The following SPSB1 variants were observed in gnomAD, a reference collection of about 807,000 sequenced individuals.
SPSB1 encodes the protein splA/ryanodine receptor domain and SOCS box containing 1.
Under a neutral mutation model 21.2 loss-of-function variants are expected in SPSB1, and 8 were observed. The ratio of observed to expected loss-of-function variants is 0.38; its 90% CI spans 0.22 to 0.68. The LOEUF is 0.68. Among genes scored for constraint, SPSB1 ranks in the 30% least tolerant of loss-of-function variants. The probability of loss-of-function intolerance (pLI) is 0.53; values close to 1 mark genes in which losing one functional copy is unlikely to be tolerated. For synonymous variants in SPSB1, 169 were observed against 161.7 expected, an observed-to-expected ratio of 1.05 and a Z score of -0.34; for missense variants, 242 against 377.8, an observed-to-expected ratio of 0.64 and a Z score of 2.98.
chr1:9,312,627 G>A (rs1639542023), intron 1 of SPSB1, among the ~76,000 whole-genome samples: 4 of 152,148 alleles, frequency 2.6e-5, no homozygotes, highest in Admixed American at 2.6e-4. Flanking sequence ...ACAGTCAGGT[G>A]CCAGCACGGA....
At chr1:9,365,567 G>A (rs200210190) in intron 2 of SPSB1, among the ~76,000 whole-genome samples, 6 of 103,430 alleles carry the variant, frequency 5.8e-5, no homozygotes, top group African/African-American at 2.1e-4. Context: ...CTCTTGCGTG[G>A]TGAGATGTAG....
intron 2 of SPSB1, among the ~76,000 whole-genome samples, chr1:9,364,847 CGTT>C (rs918753192): frequency 4.6e-5 from 6 of 129,498 alleles, no homozygotes; most frequent in South Asian, 4.9e-4. Flanking sequence ...TTGTTGTTGT[CGTT>C]GTTGTTGTTG....
At chr1:9,311,097 C>T (rs1161600699) in intron 1 of SPSB1, among the ~76,000 whole-genome samples, 1 of 151,916 alleles carries the variant, frequency 6.6e-6, no homozygotes, top group African/African-American at 2.4e-5. Context: ...CCCAGGCTCC[C>T]TGAAAGCCAA....
At chr1:9,306,033 G>A (rs544277884) in intron 1 of SPSB1, among the ~76,000 whole-genome samples, 49 of 152,318 alleles carry the variant, frequency 3.2e-4, no homozygotes, top group African/African-American at 1.2e-3. Context: ...GAACGAAGGC[G>A]TGTTGGGGAC....
intron 1 of SPSB1, among the ~76,000 whole-genome samples, chr1:9,294,225 CGT>C (rs755409794): frequency 5.4e-5 from 8 of 147,584 alleles, no homozygotes; most frequent in South Asian, 2.2e-4. Flanking sequence ...TGTGTCTTTG[CGT>C]GTGTGTGTCT....
At chr1:9,352,515 AGACTGTCTG>A (rs1465998762) in intron 1 of SPSB1, among the ~76,000 whole-genome samples, 1 of 152,180 alleles carries the variant, frequency 6.6e-6, no homozygotes, top group Non-Finnish European at 1.5e-5. Context: ...ACAACAGCAG[AGACTGTCTG>A]GCCCTCAAAG....
chr1:9,341,973 A>G lies in SPSB1; in HGVS notation c.-149-13770A>G, dbSNP rs1401145169. ...CGCCTCAGGGTCCCAAAGTGCTGGG[A>G]TTACAGGCGTGAGCCACCACGCCCA... On this transcript the variant is annotated intron_variant, in intron 1 of 2. Coordinates refer to ENST00000328089, the MANE Select transcript of SPSB1 (RefSeq NM_025106.4). 2.6e-5 allele frequency among the ~76,000 whole-genome samples: 4 copies of G among 152,310 alleles called. 1 individual carries two copies. The highest frequency in any genetic ancestry group is 2.6e-4 in the Admixed American group (4 of 15,300).
At chr1:9,307,954 G>T (rs1639449491) in intron 1 of SPSB1, among the ~76,000 whole-genome samples, 1 of 152,152 alleles carries the variant, frequency 6.6e-6, no homozygotes, top group African/African-American at 2.4e-5. Context: ...GCCCCATGGG[G>T]ACCGACCCTG....
chr1:9,328,824 G>A (rs1426627362), intron 1 of SPSB1, among the ~76,000 whole-genome samples: 1 of 152,240 alleles, frequency 6.6e-6, no homozygotes, highest in African/African-American at 2.4e-5. Flanking sequence ...GGGAATTGTT[G>A]ATGTGAGGCT....
In SPSB1 at chr1:9,356,073, G is replaced by A; in HGVS notation, c.182G>A (p.Arg61Gln). The A allele has an allele frequency of 1.9e-6, 3 of 1,613,288 alleles. No individual in the cohort carries two copies. Among genetic ancestry groups the A allele is most frequent in the South Asian group, 1.1e-5 (1 of 91,018 alleles). The change falls in exon 2 of 3, where the codon CGA becomes CAA. Residue 61 changes from arginine (R) to glutamine (Q), a missense_variant. Physicochemically the swap from Arg to Gln is conservative, Grantham distance 43. Transcript: ENST00000328089. This position sits in a 1 kb window ranked among gnomAD's most constrained non-coding sequence, Gnocchi z 7.4. The stretch of plus-strand genomic sequence containing the variant: ...CTGCATTCATGGAACAACAACGACC[G>A]ATCGCTCAATGTCTTTGTGAAGGAG... ...QLLHSWNNND[R>Q]SLNVFVKEDD... is the part of the protein sequence containing the mutation.
chr1:9,337,687 G>A (rs1640026125), intron 1 of SPSB1, among the ~76,000 whole-genome samples: 1 of 152,158 alleles, frequency 6.6e-6, no homozygotes, highest in Non-Finnish European at 1.5e-5. Flanking sequence ...CTCCTGATGG[G>A]GACTCCCTGG....
chr1:9,298,273 T>C (rs1190321608), intron 1 of SPSB1, among the ~76,000 whole-genome samples: 4 of 152,220 alleles, frequency 2.6e-5, no homozygotes, highest in Non-Finnish European at 5.9e-5. Flanking sequence ...AAAAAAAGTC[T>C]AACTTGAATA....
chr1:9,341,296 A>G (rs1640087430), intron 1 of SPSB1, among the ~76,000 whole-genome samples: 1 of 152,168 alleles, frequency 6.6e-6, no homozygotes, highest in South Asian at 2.1e-4. Flanking sequence ...TCCCAAGGGC[A>G]TGAGGGAGGC....
At position 9,293,147 on chromosome 1, in the gene SPSB1, G is replaced by C. The variant is rs1639148129; in HGVS notation, c.-150+76G>C. On this transcript the variant is annotated intron_variant, in intron 1 of 2. Transcript: ENST00000328089. This position sits in a 1 kb window ranked among gnomAD's most constrained non-coding sequence, Gnocchi z 5.1. The stretch of plus-strand genomic sequence containing the variant: ...GAGGGGGAGGCGCGGGGGGCCGGGC[G>C]AGGGCGGACGCGGGGATCGCGCCGC... 1.7e-5 allele frequency: 17 copies of C among 971,620 alleles called. No homozygotes were observed. In the South Asian group the frequency reaches 7.4e-4, roughly 42 times the overall value. The allele number at this position is 971,620 out of a possible 1,614,324, so 60.2% of individuals were successfully genotyped here. A position where few individuals can be genotyped will look rare whatever the true frequency, so the allele number is the denominator to read the frequency against.
intron 1 of SPSB1, among the ~76,000 whole-genome samples, chr1:9,349,628 C>T (rs1640218761): frequency 6.6e-6 from 1 of 152,216 alleles, no homozygotes; most frequent in Non-Finnish European, 1.5e-5. Context: ...ATGTCCTGAG[C>T]GAGTGTCAGG....
At chr1:9,362,948 GGCCACAGTGCAGGT>G (rs1640504356) in intron 2 of SPSB1, among the ~76,000 whole-genome samples, 1 of 152,236 alleles carries the variant, frequency 6.6e-6, no homozygotes, top group African/African-American at 2.4e-5. Flanking sequence ...AGAGGCCCCA[GGCCACAGTGCAGGT>G]GCCCACCCCC....
chr1:9,324,060 G>C lies in SPSB1; in HGVS notation c.-150+30989G>C, dbSNP rs916426577. Among the ~76,000 whole-genome samples, 2 of 152,176 alleles carry C rather than the reference G, an allele frequency of 1.3e-5. No individual in the cohort carries two copies. The highest frequency in any genetic ancestry group is 3.9e-4 in the East Asian group (2 of 5,190). The stretch of plus-strand genomic sequence containing the variant: ...CAGAACCCCTCCTCAGGCCAGCCTG[G>C]TTGCTCTGAGCCTGGTTGCTCTGTC... On this transcript the variant is annotated intron_variant, in intron 1 of 2. Transcript: ENST00000328089. The surrounding 1 kb of genome is among the most constrained non-coding windows in gnomAD (Gnocchi z 4.3).
chr1:9,340,127 G>A (rs1224899102), intron 1 of SPSB1, among the ~76,000 whole-genome samples: 3 of 152,198 alleles, frequency 2.0e-5, no homozygotes, highest in South Asian at 2.1e-4. Context: ...TAGGGTCACC[G>A]GGTGCAGGGC....
chr1:9,300,135 G>A (rs1323845470), intron 1 of SPSB1, among the ~76,000 whole-genome samples: 1 of 152,108 alleles, frequency 6.6e-6, no homozygotes, highest in Non-Finnish European at 1.5e-5. Flanking sequence ...TTCTCCCTTA[G>A]TGAAATTTCT....
Sources: gnomAD v4.1 joint callset for allele counts (sites outside exome capture counted in the v4.1 genomes callset) on GRCh38, gnomAD v4.1.1 for gene constraint, Gnocchi (gnomAD v3.1) non-coding constraint, MANE v1.5 for transcripts, NCBI Gene and HGNC (gene_info 2026-07-23, HGNC 2026-07-21) for gene names.